The following YIPF5 variants were observed in gnomAD, a reference collection of about 807,000 sequenced individuals.
YIPF5 encodes the protein Yip1 domain family member 5, also known as protein YIPF5.
A neutral mutation model predicts 30.4 loss-of-function variants in YIPF5; 8 were observed. The observed-to-expected ratio is 0.26, with a 90% CI of 0.15 to 0.47. The LOEUF (loss-of-function observed/expected upper bound fraction) is 0.47, where lower values mean the gene tolerates loss of function less well. YIPF5 is among the 20% of genes least tolerant of loss of function. YIPF5 has a pLI of 0.99. For synonymous variants in YIPF5, 104 were observed against 107.9 expected, an observed-to-expected ratio of 0.96 and a Z score of 0.23; for missense variants, 282 against 301.8, an observed-to-expected ratio of 0.93 and a Z score of 0.49.
chr5:144,164,291 T>C lies in YIPF5; in HGVS notation c.284-35A>G, dbSNP rs763246151. 10 of 1,570,932 alleles carry C rather than the reference T, an allele frequency of 6.4e-6. No individual in the cohort carries two copies. The Admixed American group carries it at 1.6e-4, about 25-fold the overall frequency. Reference sequence around the variant, plus strand: ...AAGAAAATTTAAAAGTTAATTAGGATTTGTGATGTATTTTTAATTCATCAA... The same window carrying C: ...AAGAAAATTTAAAAGTTAATTAGGACTTGTGATGTATTTTTAATTCATCAA... On this transcript the variant is annotated intron_variant, in intron 3 of 5. Transcript: ENST00000274496.
intron 4 of YIPF5, 34 bp from the exon 5 acceptor site, chr5:144,162,433 A>G: frequency 6.4e-7 from 1 of 1,569,866 alleles, no homozygotes; most frequent in East Asian, 2.3e-5. Context: ...TTAAAGGGCA[A>G]AAAATAAGTT....
rs753295519 is a variant in YIPF5 at position 144,162,251 on chromosome 5, A to G, written c.578T>C (p.Leu193Pro). ...AAATATCACTGCAAAGCTGGAAAGTAGGATCATGGGCAGAAGACAATATCC... is the reference window on the plus strand; with the variant it reads ...AAATATCACTGCAAAGCTGGAAAGTGGGATCATGGGCAGAAGACAATATCC... ...VLGYCLLPMI[L>P]LSSFAVIFSL... Residue 193 changes from leucine to proline, a missense_variant, in exon 5 of 6, where the codon CTA (leucine) becomes CCA (proline). Coordinates refer to ENST00000274496, the MANE Select transcript of YIPF5 (RefSeq NM_030799.9). 2 of 1,614,084 alleles carry G rather than the reference A, an allele frequency of 1.2e-6. No individual in the cohort carries two copies. The highest frequency in any genetic ancestry group is 2.2e-5 in the South Asian group (2 of 91,072).
chr5:144,159,485 A>G lies in YIPF5; in HGVS notation c.*912T>C. 1 of 982,546 alleles carries G rather than the reference A, an allele frequency of 1.0e-6. No individual in the cohort carries two copies. The highest frequency in any genetic ancestry group is 1.2e-6 in the Non-Finnish European group (1 of 828,780). The allele number at this position is 982,546 out of a possible 1,614,324, so 60.9% of individuals were successfully genotyped here. A position where few individuals can be genotyped will look rare whatever the true frequency, so the allele number is the denominator to read the frequency against. ...CATTAATATGTAAGTAAGTGTTCGC[A>G]TTTCATGTCTACAATAAGGTAGATT... On this transcript the variant is annotated 3_prime_UTR_variant, in exon 6 of 6. Transcript: ENST00000274496.
chr5:144,163,647 A>C (rs192379205), intron 4 of YIPF5, among the ~76,000 whole-genome samples: 3 of 152,160 alleles, frequency 2.0e-5, no homozygotes, highest in African/African-American at 7.2e-5. Flanking sequence ...TCTGTTTTCA[A>C]TATGCCTTAA....
chr5:144,159,465 A>G lies in YIPF5; in HGVS notation c.*932T>C, dbSNP rs546365822. The G allele has an allele frequency of 1.0e-6, 1 of 985,396 alleles. No homozygotes were observed. Among genetic ancestry groups the G allele is most frequent in the Admixed American group, 6.1e-5 (1 of 16,280 alleles). The allele number at this position is 985,396 out of a possible 1,614,324, so 61.0% of individuals were successfully genotyped here. A position where few individuals can be genotyped will look rare whatever the true frequency, so the allele number is the denominator to read the frequency against. ...GGTCCCTAAGGTTGAGTTAACATTAATATGTAAGTAAGTGTTCGCATTTCA... is the reference window on the plus strand; with the variant it reads ...GGTCCCTAAGGTTGAGTTAACATTAGTATGTAAGTAAGTGTTCGCATTTCA... On this transcript the variant is annotated 3_prime_UTR_variant, in exon 6 of 6. Coordinates refer to ENST00000274496, the MANE Select transcript of YIPF5 (RefSeq NM_030799.9).
chr5:144,163,035 A>T (rs1752092639), intron 4 of YIPF5, among the ~76,000 whole-genome samples: 1 of 152,200 alleles, frequency 6.6e-6, no homozygotes, highest in South Asian at 2.1e-4. Flanking sequence ...CCCTTTGATT[A>T]AGAAAAGACA....
At position 144,159,376 on chromosome 5, in the gene YIPF5, A is replaced by AT. The variant is rs1004055242; in HGVS notation, c.*1020dup. On this transcript the variant is annotated 3_prime_UTR_variant, in exon 6 of 6. Coordinates refer to ENST00000274496, the MANE Select transcript of YIPF5 (RefSeq NM_030799.9). The stretch of plus-strand genomic sequence containing the variant: ...ATATTTTCCTTAAAAAAGGTTAGTG[A>AT]TTTTTTTATTATTTTTGGGAAATGT... The AT allele has an allele frequency of 7.0e-5, 69 of 984,884 alleles. No individual in the cohort carries two copies. In the South Asian group the frequency reaches 1.6e-3, roughly 23 times the overall value. The allele number at this position is 984,884 out of a possible 1,614,324, so 61.0% of individuals were successfully genotyped here.
Position 144,159,644 on chromosome 5 carries a change from A to ACAAGG in YIPF5, c.*748_*752dup, listed in dbSNP as rs1254837193. The ACAAGG allele has an allele frequency of 5.1e-6, 5 of 984,848 alleles. No individual in the cohort carries two copies. Among genetic ancestry groups the ACAAGG allele is most frequent in the Non-Finnish European group, 6.0e-6 (5 of 829,882 alleles). 61.0% of individuals were successfully genotyped at this position (984,848 alleles called of 1,614,324 possible). ...GCTTTGAGTTACCTGACTTGAGAATACAAGGCAATTTTTCTTTCCTAAATC... is the reference window on the plus strand; with the variant it reads ...GCTTTGAGTTACCTGACTTGAGAATACAAGGCAAGGCAATTTTTCTTTCCTAAATC... On this transcript the variant is annotated 3_prime_UTR_variant, in exon 6 of 6. Transcript: ENST00000274496.
At chr5:144,167,751 A>G (rs1436536509) in intron 2 of YIPF5, among the ~76,000 whole-genome samples, 1 of 152,242 alleles carries the variant, frequency 6.6e-6, no homozygotes, top group Non-Finnish European at 1.5e-5. Context: ...TGGCAAATGC[A>G]GAACTGTGTA....
At chr5:144,166,568 C>T (rs927758232) in intron 2 of YIPF5, among the ~76,000 whole-genome samples, 1 of 152,092 alleles carries the variant, frequency 6.6e-6, no homozygotes, top group Non-Finnish European at 1.5e-5. Flanking sequence ...CAGTTGTTTT[C>T]CTTGGGGTGA....
At chr5:144,164,075 T>C (rs1381717233) in intron 4 of YIPF5, 36 bp downstream of exon 4, 3 of 1,600,036 alleles carry the variant, frequency 1.9e-6, no homozygotes, top group Non-Finnish European at 2.6e-6. Flanking sequence ...AGGCTGTTCT[T>C]TAATTGCACC....
intron 4 of YIPF5, among the ~76,000 whole-genome samples, chr5:144,163,352 T>TA (rs1181732917): frequency 6.6e-6 from 1 of 152,166 alleles, no homozygotes; most frequent in African/African-American, 2.4e-5. Flanking sequence ...CATGTAGTAA[T>TA]AAAAAAACTC....
At chr5:144,170,083 G>T in intron 1 of YIPF5, 118 bp from the exon 2 acceptor site, 1 of 746,870 alleles carries the variant, frequency 1.3e-6, no homozygotes. Flanking sequence ...AATTCGGAGA[G>T]GGGATGGGGG....
Position 144,169,973 on chromosome 5 carries a change from A to C in YIPF5, c.-10-8T>G. On this transcript the variant is annotated splice_polypyrimidine_tract_variant and splice_region_variant and intron_variant, in intron 1 of 5. Coordinates refer to ENST00000274496, the MANE Select transcript of YIPF5 (RefSeq NM_030799.9). The stretch of plus-strand genomic sequence containing the variant: ...CCTGACATTGCAAATAATCTGTAAT[A>C]AAAGAGAAATGGCAAATATTCCTTA... 6.2e-7 allele frequency: 1 copy of C among 1,608,934 alleles called. No individual in the cohort carries two copies. The highest frequency in any genetic ancestry group is 8.5e-7 in the Non-Finnish European group (1 of 1,175,320).
At chr5:144,162,823 C>T (rs1336801450) in intron 4 of YIPF5, among the ~76,000 whole-genome samples, 1 of 152,104 alleles carries the variant, frequency 6.6e-6, no homozygotes, top group African/African-American at 2.4e-5. Flanking sequence ...AGCATTAATT[C>T]TCATTGGTGG....
chr5:144,164,316 A>C (rs1752137370), intron 3 of YIPF5, 60 bp from the exon 4 acceptor site: 1 of 1,463,956 alleles, frequency 6.8e-7, no homozygotes, highest in South Asian at 1.3e-5. Context: ...TAATTCATCA[A>C]AATCTATCCT....
rs1751949719 is a variant in YIPF5, at chr5:144,158,978, C to T, written c.*1419G>A. ...TATCTTTCTCGTAACTATAACTGAG[C>T]TTTGTCCAGAATCAGAGACAGTTTT... On this transcript the variant is annotated 3_prime_UTR_variant, in exon 6 of 6. Coordinates refer to ENST00000274496, the MANE Select transcript of YIPF5 (RefSeq NM_030799.9). The T allele has an allele frequency of 1.0e-6, 1 of 983,062 alleles. No homozygotes were observed. The allele number at this position is 983,062 out of a possible 1,614,324, so 60.9% of individuals were successfully genotyped here.
At chr5:144,170,120 G>A (rs1178238068) in intron 1 of YIPF5, among the ~76,000 whole-genome samples, 155 bp from the exon 2 acceptor site, 4 of 152,188 alleles carry the variant, frequency 2.6e-5, no homozygotes, top group Admixed American at 2.0e-4. Flanking sequence ...TTTGAACGAC[G>A]GTAGCGGAGA....
At chr5:144,168,901 C>G (rs1022770801) in intron 2 of YIPF5, among the ~76,000 whole-genome samples, 11 of 152,186 alleles carry the variant, frequency 7.2e-5, no homozygotes, top group Non-Finnish European at 1.5e-4. Context: ...CTGCCCTCAT[C>G]GTGGAACAGT....
Sources: allele counts gnomAD v4.1 joint callset (sites outside exome capture counted in the v4.1 genomes callset), GRCh38; gene constraint gnomAD v4.1.1; transcripts MANE v1.5; gene names NCBI Gene and HGNC (gene_info 2026-07-23, HGNC 2026-07-21).